ATP8B4: variants seen among roughly 807,000 people sequenced by gnomAD.
The protein encoded by ATP8B4 is probable phospholipid-transporting ATPase IM.
A neutral mutation model predicts 145.6 loss-of-function variants in ATP8B4; 133 were observed. The observed-to-expected ratio is 0.91, with a 90% CI of 0.79 to 1.05. ATP8B4 has a LOEUF of 1.05. Ranked by LOEUF, ATP8B4 falls within the 50% of genes least tolerant of loss-of-function variation. ATP8B4 has a pLI of 0.00. For missense variants in ATP8B4, 1,458 were observed against 1,425.2 expected (o/e 1.02, Z -0.37); for synonymous variants, 507 against 492.9 (o/e 1.03, Z -0.38).
chr15:49,908,137 T>G (rs781535847), intron 20 of ATP8B4: 1 of 455,940 alleles, frequency 2.2e-6, no homozygotes, highest in South Asian at 1.5e-5. Flanking sequence ...GTAATACATG[T>G]GTACTGCCTA....
chr15:49,971,144 A>G (rs1252103091), intron 13 of ATP8B4, among the ~76,000 whole-genome samples: 2 of 152,136 alleles, frequency 1.3e-5, no homozygotes, highest in Non-Finnish European at 2.9e-5. Context: ...AAAGTTAAAC[A>G]TAAGACCTAA....
chr15:49,869,046 C>T (rs770498539), intron 25 of ATP8B4, among the ~76,000 whole-genome samples: 8 of 151,990 alleles, frequency 5.3e-5, no homozygotes, highest in African/African-American at 1.2e-4. Context: ...GTAGCTGGGA[C>T]TACAGGCAGG....
chr15:50,053,602 C>T (rs1600097257), intron 3 of ATP8B4, among the ~76,000 whole-genome samples: 2 of 152,330 alleles, frequency 1.3e-5, no homozygotes, highest in East Asian at 1.9e-4. Context: ...ATTCTCTTGG[C>T]CCCTAACAAA....
intron 8 of ATP8B4, among the ~76,000 whole-genome samples, chr15:50,001,139 T>G (rs1480373702): frequency 6.6e-6 from 1 of 152,082 alleles, no homozygotes; most frequent in African/African-American, 2.4e-5. Context: ...GTCGTTGATT[T>G]TCTTTATTTT....
In ATP8B4 at chr15:50,038,799, T is replaced by C. The variant is rs369023249; in HGVS notation, c.331A>G (p.Asn111Asp). Reference sequence around the variant, plus strand: ...TTGATGAGCACTTCAGACTGCCGATTATTCACTTGATTATCACTCTTGTGG... The same window carrying C: ...TTGATGAGCACTTCAGACTGCCGATCATTCACTTGATTATCACTCTTGTGG... ...FRHKSDNQVN[N>D]RQSEVLINSK... Residue 111 changes from asparagine to aspartate, a missense_variant, in exon 6 of 28, where the codon AAT becomes GAT. Asn to Asp is a conservative substitution (Grantham distance 23). Transcript: ENST00000284509. 1 of 1,613,656 alleles carries C rather than the reference T, an allele frequency of 6.2e-7. No individual in the cohort carries two copies. Among genetic ancestry groups the C allele is most frequent in the Non-Finnish European group, 8.5e-7 (1 of 1,179,710 alleles).
At chr15:50,070,724 TTGTGTTG>T (rs1224118564) in intron 3 of ATP8B4, among the ~76,000 whole-genome samples, 2 of 151,352 alleles carry the variant, frequency 1.3e-5, no homozygotes, top group Admixed American at 1.3e-4. Flanking sequence ...TCTTGGTTTT[TTGTGTTG>T]TGTTTTGTTT....
intron 3 of ATP8B4, among the ~76,000 whole-genome samples, chr15:50,068,183 G>A (rs921539851): frequency 3.3e-5 from 5 of 152,152 alleles, no homozygotes; most frequent in Admixed American, 6.5e-5. Flanking sequence ...GGAGAGAGAA[G>A]TTTGCTGACT....
At chr15:50,168,848 T>C (rs1471875525) in intron 1 of ATP8B4, among the ~76,000 whole-genome samples, 1 of 152,130 alleles carries the variant, frequency 6.6e-6, no homozygotes, top group African/African-American at 2.4e-5. Flanking sequence ...TGGGGTATGG[T>C]GGGAGTGAGA....
At chr15:49,915,897 A>G (rs954741807) in intron 20 of ATP8B4, among the ~76,000 whole-genome samples, 1 of 151,090 alleles carries the variant, frequency 6.6e-6, no homozygotes, top group Non-Finnish European at 1.5e-5. Flanking sequence ...TACAAGTACC[A>G]TCAAGTAGTG....
intron 3 of ATP8B4, among the ~76,000 whole-genome samples, chr15:50,070,594 T>C (rs1018839691): frequency 1.1e-4 from 16 of 152,206 alleles, no homozygotes; most frequent in Non-Finnish European, 2.1e-4. Context: ...TCATTTTCTC[T>C]GAGCCACAAT....
chr15:50,106,508 A>C (rs1467748125), intron 2 of ATP8B4, among the ~76,000 whole-genome samples: 1 of 152,230 alleles, frequency 6.6e-6, no homozygotes, highest in Non-Finnish European at 1.5e-5. Context: ...GTGTTCACAC[A>C]ATGGAACACT....
At chr15:49,948,642 T>A (rs1434724129) in intron 14 of ATP8B4, among the ~76,000 whole-genome samples, 1 of 152,234 alleles carries the variant, frequency 6.6e-6, no homozygotes, top group Non-Finnish European at 1.5e-5. Context: ...GACTTTTTGA[T>A]GGAGTTGTCT....
At chr15:49,970,948 G>T (rs2045062705) in intron 13 of ATP8B4, among the ~76,000 whole-genome samples, 1 of 152,002 alleles carries the variant, frequency 6.6e-6, no homozygotes, top group South Asian at 2.1e-4. Flanking sequence ...ACAGAACAGA[G>T]GCCTCAGAAA....
At chr15:50,089,461 G>A (rs1439548228) in intron 2 of ATP8B4, among the ~76,000 whole-genome samples, 5 of 152,062 alleles carry the variant, frequency 3.3e-5, no homozygotes, top group South Asian at 2.1e-4. Context: ...ATTGAAAAGT[G>A]GGCAAAGGAC....
intron 11 of ATP8B4, among the ~76,000 whole-genome samples, chr15:49,980,406 G>T (rs377539638): frequency 1.3e-5 from 2 of 152,052 alleles, no homozygotes; most frequent in African/African-American, 4.8e-5. Context: ...GGCTGTCTTC[G>T]AACTTTACCC....
intron 6 of ATP8B4, among the ~76,000 whole-genome samples, chr15:50,027,411 A>ATGGATGGATGGATGG (rs1555460590): frequency 2.6e-5 from 4 of 151,950 alleles, no homozygotes; most frequent in South Asian, 2.1e-4. Flanking sequence ...GGATGGATGG[A>ATGGATGGATGGATGG]AAACATGAAT....
chr15:50,019,089 C>G, intron 6 of ATP8B4: 2 of 525,580 alleles, frequency 3.8e-6, no homozygotes, highest in Admixed American at 4.8e-5. Context: ...CTGTCCCTGT[C>G]CTTTGAGGAT....
chr15:50,156,073 A>AATAT (rs1208588077), intron 1 of ATP8B4, among the ~76,000 whole-genome samples: 1 of 52,890 alleles, frequency 1.9e-5, no homozygotes, highest in Admixed American at 2.2e-4. Context: ...TAAATAAATA[A>AATAT]ATATATATAT....
intron 14 of ATP8B4, among the ~76,000 whole-genome samples, chr15:49,946,544 T>C (rs1037915468): frequency 6.6e-6 from 1 of 152,150 alleles, no homozygotes; most frequent in Non-Finnish European, 1.5e-5. Context: ...TTCAAGCATT[T>C]TCCTGTGAGC....
Sources: allele counts gnomAD v4.1 joint callset (sites outside exome capture counted in the v4.1 genomes callset), GRCh38; gene constraint gnomAD v4.1.1; transcripts MANE v1.5; gene names NCBI Gene and HGNC (gene_info 2026-07-23, HGNC 2026-07-21).